Variants in UBR1 observed in about 807,000 individuals in gnomAD.
UBR1 encodes the protein ubiquitin protein ligase E3 component n-recognin 1.
Under a neutral mutation model 242.1 loss-of-function variants are expected in UBR1, and 102 were observed. That is an observed-to-expected ratio of 0.42 (90% CI 0.36 to 0.50). The LOEUF is 0.50. Among genes scored for constraint, UBR1 ranks in the 20% least tolerant of loss-of-function variants. The pLI, the probability that UBR1 is intolerant of heterozygous loss-of-function variation, is 0.01. For missense variants in UBR1, 1,772 were observed against 2,101.8 expected, an observed-to-expected ratio of 0.84 and a Z score of 3.07; for synonymous variants, 675 against 684.8, an observed-to-expected ratio of 0.99 and a Z score of 0.22.
Position 43,032,640 on chromosome 15 carries a change from T to C in UBR1, c.2191-9A>G, listed in dbSNP as rs774644095. 4 of 1,486,016 alleles carry C rather than the reference T, an allele frequency of 2.7e-6. No individual in the cohort carries two copies. The highest frequency in any genetic ancestry group is 3.7e-6 in the Non-Finnish European group (4 of 1,075,172). The allele number at this position is 1,486,016 out of a possible 1,614,324, so 92.1% of individuals were successfully genotyped here. ...TATTGTTTAATCAAATCCTATAGAA[T>C]CGAAAAAGAGTAAATTAGTTATGGA... is the stretch of plus-strand genomic sequence containing the variant. On this transcript the variant is annotated splice_polypyrimidine_tract_variant and intron_variant, in intron 19 of 46. Coordinates refer to ENST00000290650, the MANE Select transcript of UBR1 (RefSeq NM_174916.3).
chr15:42,956,925 C>T (rs1385931026), intron 44 of UBR1, among the ~76,000 whole-genome samples: 1 of 152,138 alleles, frequency 6.6e-6, no homozygotes, highest in Non-Finnish European at 1.5e-5. Flanking sequence ...CTGGTTGGGA[C>T]ATAAAATGGT....
intron 3 of UBR1, among the ~76,000 whole-genome samples, chr15:43,078,830 G>A (rs80332022): frequency 0.011 from 1,724 of 152,158 alleles, 26 homozygotes; most frequent in African/African-American, 0.039. Flanking sequence ...TTAGCCAGGT[G>A]TGGTGGCATG....
chr15:42,951,214 A>G (rs1391660769), intron 45 of UBR1, among the ~76,000 whole-genome samples: 2 of 152,156 alleles, frequency 1.3e-5, no homozygotes, highest in East Asian at 1.9e-4. Flanking sequence ...TTTCATAAAT[A>G]TAAGTGACTA....
At chr15:43,041,420 A>C (rs1159561957) in intron 15 of UBR1, among the ~76,000 whole-genome samples, 1 of 152,120 alleles carries the variant, frequency 6.6e-6, no homozygotes, top group Non-Finnish European at 1.5e-5. Context: ...AAGAAGGGGA[A>C]CATCACACAC....
chr15:42,969,707 GACAAA>G (rs1392502125), intron 40 of UBR1, among the ~76,000 whole-genome samples: 2 of 152,076 alleles, frequency 1.3e-5, no homozygotes, highest in Non-Finnish European at 2.9e-5. Context: ...ACCAATAATA[GACAAA>G]CAGGGAGCCA....
chr15:42,948,618 A>G (rs9744650), intron 46 of UBR1, among the ~76,000 whole-genome samples: 142,978 of 150,692 alleles, frequency 0.95, 68,267 homozygotes, highest in East Asian at 1. Context: ...AAAAGTGGGC[A>G]AAGGACATGA....
chr15:43,079,803 TAAATA>T (rs2033955483), intron 3 of UBR1, among the ~76,000 whole-genome samples: 1 of 150,470 alleles, frequency 6.6e-6, no homozygotes, highest in Non-Finnish European at 1.5e-5. Flanking sequence ...AATAAATAAA[TAAATA>T]AAAGTCCTGA....
intron 45 of UBR1, among the ~76,000 whole-genome samples, chr15:42,951,707 C>T (rs990390673): frequency 6.6e-6 from 1 of 152,068 alleles, no homozygotes; most frequent in Non-Finnish European, 1.5e-5. Flanking sequence ...TGGCCTTGAA[C>T]TCCCAGGCTC....
At chr15:43,054,608 C>T (rs1243512682) in intron 12 of UBR1, 134 bp downstream of exon 12, 2 of 985,896 alleles carry the variant, frequency 2.0e-6, no homozygotes, top group Non-Finnish European at 3.2e-6. Flanking sequence ...GAGGCAGTAA[C>T]AGTTCTTTGT....
At position 43,086,138 on chromosome 15, in the gene UBR1, G is replaced by A; in HGVS notation, c.184C>T (p.Gln62Ter). The change falls in exon 2 of 47, where the codon CAG (glutamine) becomes TAG (stop). Residue 62 changes from glutamine (Q) to a stop codon, truncating the protein, a stop_gained. Coordinates refer to ENST00000290650, the MANE Select transcript of UBR1 (RefSeq NM_174916.3). LOFTEE classifies it high-confidence loss of function. ...ATTGACATTTGTACACTTTCCTCCT[G>A]CTTTTCCAAGTCTGGGTCCATTTCA... ...FAEMDPDLEK[Q>*]EESVQMSIFT... 6.2e-7 allele frequency: 1 copy of A among 1,613,976 alleles called. No individual in the cohort carries two copies. The highest frequency in any genetic ancestry group is 1.3e-5 in the African/African-American group (1 of 74,982).
chr15:43,085,278 T>C (rs992282576), intron 2 of UBR1, among the ~76,000 whole-genome samples: 2 of 152,256 alleles, frequency 1.3e-5, no homozygotes, highest in African/African-American at 4.8e-5. Flanking sequence ...AAGATTGTGT[T>C]TGATTACAGT....
At chr15:43,020,958 C>G (rs2033102153) in intron 27 of UBR1, 1 of 276,510 alleles carries the variant, frequency 3.6e-6, no homozygotes, top group Non-Finnish European at 7.0e-6. Context: ...TAATGTCTGT[C>G]CCTCAACTGG....
intron 3 of UBR1, among the ~76,000 whole-genome samples, chr15:43,077,794 T>C (rs1596133893): frequency 6.6e-6 from 1 of 152,226 alleles, no homozygotes; most frequent in South Asian, 2.1e-4. Flanking sequence ...ATAAACTTTA[T>C]CCTTTCAGTG....
At chr15:43,075,184 C>T (rs2033872500) in intron 3 of UBR1, 95 bp from the exon 4 acceptor site, 1 of 983,024 alleles carries the variant, frequency 1.0e-6, no homozygotes, top group Non-Finnish European at 1.7e-6. Flanking sequence ...CTCACCAATA[C>T]TCCAACCTTA....
intron 20 of UBR1, among the ~76,000 whole-genome samples, chr15:43,030,654 C>A (rs1048768581): frequency 6.6e-6 from 1 of 152,086 alleles, no homozygotes; most frequent in African/African-American, 2.4e-5. Context: ...AATAAACTGC[C>A]AAATGAAGAG....
intron 2 of UBR1, among the ~76,000 whole-genome samples, chr15:43,085,176 C>A (rs760299018): frequency 4.6e-5 from 7 of 152,230 alleles, no homozygotes; most frequent in Non-Finnish European, 1.0e-4. Flanking sequence ...GGCAATAAAT[C>A]TCACTTGGTG....
intron 37 of UBR1, among the ~76,000 whole-genome samples, chr15:42,978,783 CAGTGGCAT>C (rs920344833): frequency 3.3e-5 from 5 of 149,432 alleles, no homozygotes; most frequent in Admixed American, 6.7e-5. Context: ...GGCAGGAGTG[CAGTGGCAT>C]GATGTCGGCT....
intron 19 of UBR1, among the ~76,000 whole-genome samples, chr15:43,035,574 G>A (rs1356644408): frequency 6.7e-6 from 1 of 149,078 alleles, no homozygotes; most frequent in Non-Finnish European, 1.5e-5. Context: ...CCATTTTGTA[G>A]GTTGCCTGTT....
chr15:43,088,889 T>C (rs929505615), intron 1 of UBR1, among the ~76,000 whole-genome samples: 2 of 151,672 alleles, frequency 1.3e-5, no homozygotes, highest in Non-Finnish European at 2.9e-5. Flanking sequence ...CTGGTGCACA[T>C]GGTGGCTCAT....
Sources: gnomAD v4.1 joint callset for allele counts (sites outside exome capture counted in the v4.1 genomes callset) on GRCh38, gnomAD v4.1.1 for gene constraint, MANE v1.5 for transcripts, NCBI Gene and HGNC (gene_info 2026-07-23, HGNC 2026-07-21) for gene names.